STRN: variants seen among roughly 807,000 people sequenced by gnomAD.
The protein encoded by STRN is protein phosphatase 2 regulatory subunit B'''alpha.
Under a neutral mutation model 96.3 loss-of-function variants are expected in STRN, and 53 were observed. That is an observed-to-expected ratio of 0.55 (90% confidence interval 0.44 to 0.69). The LOEUF is 0.69. Ranked by LOEUF, STRN falls within the 30% of genes least tolerant of loss-of-function variation. STRN has a pLI of 0.00. For synonymous variants in STRN, 428 were observed against 355.9 expected (o/e 1.20, Z -2.28); for missense variants, 987 against 963.9 (o/e 1.02, Z -0.32).
At position 36,849,274 on chromosome 2, in the gene STRN, G is replaced by T; in HGVS notation, c.*182C>A. The T allele has an allele frequency of 1.4e-6, 1 of 707,724 alleles. No homozygotes were observed. The highest frequency in any genetic ancestry group is 2.2e-6 in the Non-Finnish European group (1 of 448,310). The allele number at this position is 707,724 out of a possible 1,614,324, so 43.8% of individuals were successfully genotyped here. On this transcript the variant is annotated 3_prime_UTR_variant, in exon 18 of 18. Transcript: ENST00000263918. ...GATTCAGCTGAGCTTGCAGCAACCTGAACAAACCTTAGTTTTAGAAAACAG... is the reference window on the plus strand; with the variant it reads ...GATTCAGCTGAGCTTGCAGCAACCTTAACAAACCTTAGTTTTAGAAAACAG...
chr2:36,936,981 GTAAAA>G (rs1363954984), intron 1 of STRN, among the ~76,000 whole-genome samples: 1 of 152,128 alleles, frequency 6.6e-6, no homozygotes, highest in African/African-American at 2.4e-5. Flanking sequence ...GGTCAATATA[GTAAAA>G]TACTCTGACA....
At chr2:36,925,733 T>G (rs1329141166) in intron 1 of STRN, among the ~76,000 whole-genome samples, 1 of 152,128 alleles carries the variant, frequency 6.6e-6, no homozygotes, top group East Asian at 1.9e-4. Flanking sequence ...AGATCACGCC[T>G]CTGCACTCCA....
At chr2:36,924,277 A>T (rs1670349016) in intron 2 of STRN, among the ~76,000 whole-genome samples, 1 of 148,196 alleles carries the variant, frequency 6.7e-6, no homozygotes, top group Non-Finnish European at 1.5e-5. Flanking sequence ...AATGGTGTGA[A>T]CCCGGGAGGT....
chr2:36,957,735 T>G (rs1664924193), intron 1 of STRN, among the ~76,000 whole-genome samples: 1 of 140,624 alleles, frequency 7.1e-6, no homozygotes, highest in Non-Finnish European at 1.5e-5. Context: ...TCATAGTTCT[T>G]CTTTTTGTCT....
intron 2 of STRN, among the ~76,000 whole-genome samples, chr2:36,921,521 C>T (rs1032392520): frequency 2.0e-5 from 3 of 152,176 alleles, no homozygotes; most frequent in African/African-American, 7.2e-5. Flanking sequence ...CACATATCTG[C>T]TCTTTAATTC....
intron 9 of STRN, among the ~76,000 whole-genome samples, chr2:36,878,941 C>T (rs1474004874): frequency 4.6e-5 from 7 of 151,442 alleles, no homozygotes; most frequent in African/African-American, 1.2e-4. Context: ...TTAGTAGAGA[C>T]GGGGTTTCAC....
rs541417977 is a variant in STRN at position 36,882,283 on chromosome 2, G to A, written c.1186+1649C>T. Among the ~76,000 whole-genome samples, 6 of 152,136 alleles carry A rather than the reference G, an allele frequency of 3.9e-5. 1 individual carries two copies. The South Asian group carries it at 1.2e-3, about 32-fold the overall frequency. On this transcript the variant is annotated intron_variant, in intron 9 of 17. Coordinates refer to ENST00000263918, the MANE Select transcript of STRN (RefSeq NM_003162.4). Reference sequence around the variant, plus strand: ...AATTTGAAGAGACAATGCAAATATAGTATTTAAATTCAGAATTTTTTAAAT... The same window carrying A: ...AATTTGAAGAGACAATGCAAATATAATATTTAAATTCAGAATTTTTTAAAT...
intron 1 of STRN, among the ~76,000 whole-genome samples, chr2:36,956,206 T>G (rs1664883828): frequency 6.6e-6 from 1 of 152,146 alleles, no homozygotes; most frequent in South Asian, 2.1e-4. Flanking sequence ...AAATAATAAA[T>G]CTAATGCCTT....
intron 5 of STRN, 112 bp downstream of exon 5, chr2:36,902,472 G>T: frequency 3.6e-6 from 1 of 279,770 alleles, no homozygotes; most frequent in Non-Finnish European, 5.1e-6. Flanking sequence ...TTTTTATTAA[G>T]TTATAAATTA....
At position 36,925,243 on chromosome 2, in the gene STRN, G is replaced by A. The variant is rs190965421; in HGVS notation, c.235-35C>T. The A allele has an allele frequency of 2.8e-3, 4,368 of 1,536,324 alleles. 11 individuals carry two copies. The highest frequency in any genetic ancestry group is 3.5e-3 in the Non-Finnish European group (3,928 of 1,128,080). ...GGAAAGACAGAAAAAATTCAGTTTA[G>A]ACCAAAAAAAAAAGTTTTTTTAACT... On this transcript the variant is annotated intron_variant, in intron 1 of 17. Coordinates refer to ENST00000263918, the MANE Select transcript of STRN (RefSeq NM_003162.4).
At chr2:36,929,515 G>C (rs558824210) in intron 1 of STRN, among the ~76,000 whole-genome samples, 102 of 152,198 alleles carry the variant, frequency 6.7e-4, no homozygotes, top group African/African-American at 2.4e-3. Flanking sequence ...CTCCTGAGTA[G>C]CTGGGATTAC....
Position 36,838,212 on chromosome 2 carries a change from C to A in STRN, c.*11244G>T, listed in dbSNP as rs1346723273. Among the ~76,000 whole-genome samples the A allele has an allele frequency of 6.6e-6, 1 of 152,206 alleles. No homozygotes were observed. Among genetic ancestry groups the A allele is most frequent in the East Asian group, 1.9e-4 (1 of 5,198 alleles). ...ACCACGTGCAAGGACCACGGAGCAA[C>A]CTCTAAAGGATCAGATTTGACAGTC... On this transcript the variant is annotated 3_prime_UTR_variant, in exon 18 of 18. Coordinates refer to ENST00000263918, the MANE Select transcript of STRN (RefSeq NM_003162.4).
In STRN at chr2:36,845,391, A is replaced by G. The variant is rs1410473877; in HGVS notation, c.*4065T>C. 2 of 152,190 alleles carry G rather than the reference A, an allele frequency of 1.3e-5. No homozygotes were observed. The highest frequency in any genetic ancestry group is 2.9e-5 in the Non-Finnish European group (2 of 68,018). 9.4% of individuals were successfully genotyped at this position (152,190 alleles called of 1,614,324 possible). On this transcript the variant is annotated 3_prime_UTR_variant, in exon 18 of 18. Coordinates refer to ENST00000263918, the MANE Select transcript of STRN (RefSeq NM_003162.4). ...TAATTGCATCCAACCATCATTTCAG[A>G]TGTCATAAAGATTTGCTTCAGTTAA... is the stretch of plus-strand genomic sequence containing the variant.
chr2:36,937,564 G>T (rs1169109458), intron 1 of STRN, among the ~76,000 whole-genome samples: 3 of 151,774 alleles, frequency 2.0e-5, no homozygotes, highest in Non-Finnish European at 4.4e-5. Context: ...CAGCTACCTG[G>T]TTGGGAGGCT....
At chr2:36,867,612 A>G (rs1352975772) in intron 12 of STRN, 1 of 371,552 alleles carries the variant, frequency 2.7e-6, no homozygotes, top group East Asian at 4.0e-5. Flanking sequence ...AACACCATGT[A>G]AATAAAATCT....
chr2:36,906,227 G>A (rs1329017178), intron 3 of STRN, among the ~76,000 whole-genome samples: 1 of 152,144 alleles, frequency 6.6e-6, no homozygotes, highest in Non-Finnish European at 1.5e-5. Context: ...AATTTGGGAG[G>A]CCAAGGCAGG....
chr2:36,912,962 T>C (rs1670002291), intron 3 of STRN, among the ~76,000 whole-genome samples: 1 of 152,180 alleles, frequency 6.6e-6, no homozygotes, highest in Admixed American at 6.5e-5. Flanking sequence ...ATACTAAAAT[T>C]AGAATAATAC....
At chr2:36,871,466 T>G (rs1668761181) in intron 10 of STRN, among the ~76,000 whole-genome samples, 1 of 152,354 alleles carries the variant, frequency 6.6e-6, no homozygotes, top group South Asian at 2.1e-4. Context: ...GCCTATACCA[T>G]TTAGGCTTCT....
intron 13 of STRN, among the ~76,000 whole-genome samples, chr2:36,859,277 A>G (rs2691121): frequency 0.95 from 144,428 of 152,230 alleles, 68,982 homozygotes; most frequent in East Asian, 1. Context: ...CAAAGGCAAG[A>G]GATTGTTTCA....
Sources: allele counts gnomAD v4.1 joint callset (sites outside exome capture counted in the v4.1 genomes callset), GRCh38; gene constraint gnomAD v4.1.1; transcripts MANE v1.5; gene names NCBI Gene and HGNC (gene_info 2026-07-23, HGNC 2026-07-21).